PARM1: variants seen among roughly 807,000 people sequenced by gnomAD.
The protein encoded by PARM1 is WSC4, cell wall integrity and stress response component 4 homolog.
A neutral mutation model predicts 24.6 loss-of-function variants in PARM1; 14 were observed. That is an observed-to-expected ratio of 0.57 (90% confidence interval 0.38 to 0.89). PARM1 has a LOEUF of 0.89. Among genes scored for constraint, PARM1 ranks in the 40% least tolerant of loss-of-function variants. The probability of loss-of-function intolerance (pLI) is 0.00; values close to 1 mark genes in which losing one functional copy is unlikely to be tolerated. For missense variants in PARM1, 362 were observed against 380.4 expected (o/e 0.95, Z 0.40); for synonymous variants, 179 against 156.6 (o/e 1.14, Z -1.07).
chr4:75,033,837 C>G, intron 2 of PARM1, 46 bp from the exon 3 acceptor site: 1 of 1,486,516 alleles, frequency 6.7e-7, no homozygotes, highest in Non-Finnish European at 9.2e-7. Flanking sequence ...ACATGATGCC[C>G]CGTATCCTCA....
intron 1 of PARM1, among the ~76,000 whole-genome samples, chr4:74,980,350 C>T (rs189279401): frequency 1.2e-3 from 187 of 152,060 alleles, no homozygotes; most frequent in Non-Finnish European, 2.3e-3. Context: ...AAATCATGAA[C>T]GAACTTCTAT....
intron 1 of PARM1, among the ~76,000 whole-genome samples, chr4:74,964,700 A>C (rs1721863289): frequency 6.6e-6 from 1 of 152,190 alleles, no homozygotes; most frequent in African/African-American, 2.4e-5. Context: ...TGAGAGTAGA[A>C]ACCCTATCCC....
intron 1 of PARM1, among the ~76,000 whole-genome samples, chr4:75,005,719 A>G (rs1722757652): frequency 6.6e-6 from 1 of 152,246 alleles, no homozygotes; most frequent in African/African-American, 2.4e-5. Context: ...GTGGAAACAT[A>G]TAGTTTTCTA....
At chr4:75,038,748 T>C (rs1310854922) in intron 3 of PARM1, among the ~76,000 whole-genome samples, 1 of 152,254 alleles carries the variant, frequency 6.6e-6, no homozygotes, top group Non-Finnish European at 1.5e-5. Flanking sequence ...TTTGCAGAAC[T>C]ATCTTTAATT....
chr4:75,003,289 A>C (rs368299106), intron 1 of PARM1, among the ~76,000 whole-genome samples: 3 of 151,862 alleles, frequency 2.0e-5, no homozygotes, highest in African/African-American at 7.3e-5. Context: ...AGTAAGTTTA[A>C]GGGACTGACA....
rs72860937 is a variant in PARM1, at chr4:74,972,059, A to G, written c.43+38689A>G. Among the ~76,000 whole-genome samples the G allele has an allele frequency of 5.2e-3, 799 of 152,328 alleles. 6 individuals carry two copies. Among genetic ancestry groups the G allele is most frequent in the African/African-American group, 0.018 (741 of 41,568 alleles). On this transcript the variant is annotated intron_variant, in intron 1 of 3. Transcript: ENST00000307428. ...GGCTGTAAGTCTGCAAAGATGAGCA[A>G]GGATATTGACAACATGCACGCCCTG... is the stretch of plus-strand genomic sequence containing the variant.
At chr4:75,009,696 A>G (rs1442915530) in intron 1 of PARM1, among the ~76,000 whole-genome samples, 2 of 152,202 alleles carry the variant, frequency 1.3e-5, no homozygotes, top group Non-Finnish European at 2.9e-5. Context: ...TGGAGTATTC[A>G]TGAATAAGGT....
At chr4:75,005,717 A>G (rs1722757569) in intron 1 of PARM1, among the ~76,000 whole-genome samples, 1 of 152,258 alleles carries the variant, frequency 6.6e-6, no homozygotes, top group Non-Finnish European at 1.5e-5. Flanking sequence ...ACGTGGAAAC[A>G]TATAGTTTTC....
chr4:74,973,679 AT>A (rs202169275), intron 1 of PARM1, among the ~76,000 whole-genome samples: 15 of 151,934 alleles, frequency 9.9e-5, no homozygotes, highest in South Asian at 2.1e-4. Context: ...TAAATAGACC[AT>A]TTTTTTTAGG....
intron 1 of PARM1, among the ~76,000 whole-genome samples, chr4:75,002,602 T>A (rs1722702579): frequency 6.6e-6 from 1 of 152,174 alleles, no homozygotes; most frequent in African/African-American, 2.4e-5. Flanking sequence ...CTCTACAGAA[T>A]CAGAGTGTCT....
intron 1 of PARM1, among the ~76,000 whole-genome samples, chr4:74,975,750 T>C (rs1377871693): frequency 6.6e-6 from 1 of 152,200 alleles, no homozygotes; most frequent in Non-Finnish European, 1.5e-5. Flanking sequence ...TTATTATAGT[T>C]GCAATATATA....
intron 1 of PARM1, among the ~76,000 whole-genome samples, chr4:74,979,266 A>T (rs909910575): frequency 2.0e-5 from 3 of 152,154 alleles, no homozygotes; most frequent in African/African-American, 7.2e-5. Context: ...AACACAATAA[A>T]AAATGATAAA....
chr4:74,975,264 C>A (rs1388195148), intron 1 of PARM1, among the ~76,000 whole-genome samples: 1 of 152,172 alleles, frequency 6.6e-6, no homozygotes, highest in Non-Finnish European at 1.5e-5. Flanking sequence ...TAAATGAACT[C>A]TAGTTAGTCA....
intron 1 of PARM1, among the ~76,000 whole-genome samples, chr4:74,954,311 C>T (rs1409446526): frequency 2.6e-5 from 4 of 152,176 alleles, no homozygotes; most frequent in African/African-American, 4.8e-5. Flanking sequence ...TGGCATGTGC[C>T]AGTTGATACT....
chr4:74,940,884 A>G (rs560654666), intron 1 of PARM1, among the ~76,000 whole-genome samples: 6 of 152,358 alleles, frequency 3.9e-5, no homozygotes, highest in African/African-American at 1.4e-4. Context: ...TTAAGATCCC[A>G]GTCATTCTAT....
intron 1 of PARM1, among the ~76,000 whole-genome samples, chr4:74,935,727 A>G (rs988720615): frequency 1.3e-5 from 2 of 152,214 alleles, no homozygotes; most frequent in Admixed American, 6.5e-5. Flanking sequence ...AATCCTCTCA[A>G]AGTATACATA....
intron 1 of PARM1, among the ~76,000 whole-genome samples, chr4:75,001,245 A>G (rs1323711055): frequency 1.3e-5 from 2 of 152,222 alleles, no homozygotes; most frequent in Non-Finnish European, 1.5e-5. Flanking sequence ...CATTTGTAGA[A>G]TGGGAAAAAA....
intron 2 of PARM1, among the ~76,000 whole-genome samples, chr4:75,029,850 A>G (rs1325675868): frequency 6.6e-6 from 1 of 151,946 alleles, no homozygotes; most frequent in Non-Finnish European, 1.5e-5. Flanking sequence ...AGCTGTGTGG[A>G]AACTTTTTTA....
At chr4:74,947,992 C>T (rs1646241886) in intron 1 of PARM1, among the ~76,000 whole-genome samples, 1 of 152,142 alleles carries the variant, frequency 6.6e-6, no homozygotes, top group South Asian at 2.1e-4. Context: ...GAAAGTCTTC[C>T]CCAGGAAGAC....
Sources: gnomAD v4.1 joint callset for allele counts (sites outside exome capture counted in the v4.1 genomes callset) on GRCh38, gnomAD v4.1.1 for gene constraint, MANE v1.5 for transcripts, NCBI Gene and HGNC (gene_info 2026-07-23, HGNC 2026-07-21) for gene names.